PDE10A: variants seen among roughly 807,000 people sequenced by gnomAD.
The protein encoded by PDE10A is phosphodiesterase 10A, also known as cAMP and cAMP-inhibited cGMP 3',5'-cyclic phosphodiesterase 10A.
PDE10A carries 39 observed loss-of-function variants against 97.7 expected under a neutral mutation model. The observed-to-expected ratio is 0.40, with a 90% CI of 0.31 to 0.52. The LOEUF (loss-of-function observed/expected upper bound fraction) is 0.52. Among genes scored for constraint, PDE10A ranks in the 20% least tolerant of loss-of-function variants. The pLI, the probability that PDE10A is intolerant of heterozygous loss-of-function variation, is 0.56. For synonymous variants in PDE10A, 371 were observed against 376.8 expected, an observed-to-expected ratio of 0.98 and a Z score of 0.18; for missense variants, 731 against 1,047.8, an observed-to-expected ratio of 0.70 and a Z score of 4.17.
chr6:165,902,474 C>G (rs1255302267), intron 1 of PDE10A, among the ~76,000 whole-genome samples: 2 of 152,192 alleles, frequency 1.3e-5, no homozygotes, highest in Non-Finnish European at 1.5e-5. Flanking sequence ...TGGTGCACCC[C>G]TGAAATACTT....
At chr6:165,727,779 T>C (rs924813618) in intron 1 of PDE10A, among the ~76,000 whole-genome samples, 2 of 152,234 alleles carry the variant, frequency 1.3e-5, no homozygotes, top group African/African-American at 4.8e-5. Flanking sequence ...TAAAGAAACA[T>C]AACTTAAATA....
chr6:165,614,000 C>G (rs1310868643), intron 1 of PDE10A, among the ~76,000 whole-genome samples: 1 of 152,310 alleles, frequency 6.6e-6, no homozygotes, highest in East Asian at 1.9e-4. Flanking sequence ...TGGAGGCCAG[C>G]CTGGGACGCT....
intron 10 of PDE10A, 141 bp downstream of exon 10, chr6:165,428,517 G>A (rs1789325409): frequency 1.7e-6 from 1 of 586,582 alleles, no homozygotes; most frequent in Non-Finnish European, 3.0e-6. Context: ...GTGACAAACA[G>A]ATCAAGGTGA....
chr6:165,927,660 A>ATATATATATG (rs545883287), intron 1 of PDE10A, among the ~76,000 whole-genome samples: 5 of 124,274 alleles, frequency 4.0e-5, no homozygotes, highest in African/African-American at 1.6e-4. Context: ...ATATATATAT[A>ATATATATATG]TATATATATA....
chr6:165,369,288 G>A (rs890853915), intron 18 of PDE10A, among the ~76,000 whole-genome samples: 3 of 151,978 alleles, frequency 2.0e-5, no homozygotes, highest in East Asian at 1.9e-4. Context: ...TCTGAGCTAC[G>A]GGAGGACATT....
intron 1 of PDE10A, among the ~76,000 whole-genome samples, chr6:165,806,141 C>G (rs1019858463): frequency 6.7e-6 from 1 of 148,250 alleles, no homozygotes; most frequent in Non-Finnish European, 1.5e-5. Flanking sequence ...AGAGGGTACT[C>G]AGGCAGTTTT....
intron 1 of PDE10A, among the ~76,000 whole-genome samples, chr6:165,721,218 T>C (rs897812374): frequency 3.3e-5 from 5 of 152,226 alleles, no homozygotes; most frequent in Admixed American, 2.0e-4. Context: ...TTTCTTGACC[T>C]GGCTGAGAGC....
At chr6:165,603,388 G>A (rs952070010) in intron 1 of PDE10A, among the ~76,000 whole-genome samples, 2 of 152,194 alleles carry the variant, frequency 1.3e-5, no homozygotes, top group African/African-American at 2.4e-5. Flanking sequence ...AGGAAACAGT[G>A]AAAACATAGA....
chr6:165,509,655 T>C (rs1224827474), intron 2 of PDE10A, among the ~76,000 whole-genome samples: 2 of 151,946 alleles, frequency 1.3e-5, no homozygotes, highest in African/African-American at 4.8e-5. Context: ...ATCTGTATAT[T>C]GCTTTGGACA....
intron 1 of PDE10A, among the ~76,000 whole-genome samples, chr6:165,608,460 C>T (rs1583636719): frequency 6.6e-6 from 1 of 152,132 alleles, no homozygotes; most frequent in East Asian, 1.9e-4. Context: ...TTTATGGCTG[C>T]ATAGTATTCC....
In PDE10A at chr6:165,330,047, A is replaced by G. The variant is rs1027167190; in HGVS notation, c.*2978T>C. 17 of 152,232 alleles carry G rather than the reference A, an allele frequency of 1.1e-4. No individual in the cohort carries two copies. Among genetic ancestry groups the G allele is most frequent in the Admixed American group, 7.2e-4 (11 of 15,284 alleles). The allele number at this position is 152,232 out of a possible 1,614,324, so 9.4% of individuals were successfully genotyped here. A position where few individuals can be genotyped will look rare whatever the true frequency, so the allele number is the denominator to read the frequency against. On this transcript the variant is annotated 3_prime_UTR_variant, in exon 22 of 22. Transcript: ENST00000539869. Reference sequence around the variant, plus strand: ...TATTCCATGTTATTGGCAGGCATTTATGTTTCCAAGGACATTTTTAGCTAA... The same window carrying G: ...TATTCCATGTTATTGGCAGGCATTTGTGTTTCCAAGGACATTTTTAGCTAA...
At chr6:165,404,521 A>G (rs2128222283) in intron 13 of PDE10A, among the ~76,000 whole-genome samples, 1 of 152,304 alleles carries the variant, frequency 6.6e-6, no homozygotes, top group South Asian at 2.1e-4. Context: ...AGGAATTTCA[A>G]GCTAAAAACT....
intron 1 of PDE10A, among the ~76,000 whole-genome samples, chr6:165,562,398 G>GTTT (rs1390052032): frequency 3.9e-5 from 6 of 152,076 alleles, no homozygotes; most frequent in African/African-American, 1.4e-4. Flanking sequence ...ACTAGTATTA[G>GTTT]CTCTTCTCAA....
chr6:165,728,527 TCA>T (rs1792352491), intron 1 of PDE10A, among the ~76,000 whole-genome samples: 1 of 152,106 alleles, frequency 6.6e-6, no homozygotes, highest in Non-Finnish European at 1.5e-5. Context: ...TTCCCAATTA[TCA>T]CCATGCAAAA....
chr6:165,340,825 G>A (rs1183036879), intron 19 of PDE10A, among the ~76,000 whole-genome samples: 2 of 152,114 alleles, frequency 1.3e-5, no homozygotes, highest in African/African-American at 2.4e-5. Flanking sequence ...TGGGCAGGGG[G>A]CCAGCCATGT....
At chr6:165,642,687 G>A (rs192501771) in intron 1 of PDE10A, among the ~76,000 whole-genome samples, 9 of 152,260 alleles carry the variant, frequency 5.9e-5, no homozygotes, top group Admixed American at 3.9e-4. Context: ...GTACCAGTCC[G>A]GCCTTTATGC....
At chr6:165,515,209 A>G (rs1781722978) in intron 2 of PDE10A, among the ~76,000 whole-genome samples, 1 of 152,154 alleles carries the variant, frequency 6.6e-6, no homozygotes. Context: ...TTTGCATTCT[A>G]ATGTTTCTAA....
intron 2 of PDE10A, among the ~76,000 whole-genome samples, chr6:165,523,483 A>G (rs1332811208): frequency 6.6e-6 from 1 of 152,090 alleles, no homozygotes; most frequent in African/African-American, 2.4e-5. Flanking sequence ...TAGTAATCTG[A>G]TCTTCAACAA....
chr6:165,967,383 G>A (rs1430574832), intron 1 of PDE10A, among the ~76,000 whole-genome samples: 1 of 152,174 alleles, frequency 6.6e-6, no homozygotes, highest in Admixed American at 6.5e-5. Flanking sequence ...TGTAATCCCA[G>A]CTCCTTGGGA....
Sources: gnomAD v4.1 joint callset for allele counts (sites outside exome capture counted in the v4.1 genomes callset) on GRCh38, gnomAD v4.1.1 for gene constraint, MANE v1.5 for transcripts, NCBI Gene and HGNC (gene_info 2026-07-23, HGNC 2026-07-21) for gene names.